CABP1: variants seen among roughly 807,000 people sequenced by gnomAD.
The protein encoded by CABP1 is calcium binding protein 1, also known as calcium-binding protein 1.
CABP1 carries 17 observed loss-of-function variants against 34.3 expected under a neutral mutation model. That is an observed-to-expected ratio of 0.50 (90% CI 0.34 to 0.74). The LOEUF (loss-of-function observed/expected upper bound fraction) is 0.74, where lower values mean the gene tolerates loss of function less well. Ranked by LOEUF, CABP1 falls within the 30% of genes least tolerant of loss-of-function variation. The probability of loss-of-function intolerance (pLI) is 0.01; values close to 1 mark genes in which losing one functional copy is unlikely to be tolerated. For missense variants in CABP1, 373 were observed against 511.1 expected (o/e 0.73, Z 2.61); for synonymous variants, 198 against 229.2 (o/e 0.86, Z 1.23).
At position 120,661,288 on chromosome 12, in the gene CABP1, A is replaced by G. The variant is rs1320479430; in HGVS notation, c.1087+70A>G. ...CATCCATGGAGCCCTCCAATTGTGTATCCATCATGCAACCATCAATCCGCC... is the reference window on the plus strand; with the variant it reads ...CATCCATGGAGCCCTCCAATTGTGTGTCCATCATGCAACCATCAATCCGCC... On this transcript the variant is annotated intron_variant, in intron 5 of 5. Coordinates refer to ENST00000316803, the MANE Select transcript of CABP1 (RefSeq NM_001033677.2). This position sits in a 1 kb window ranked among gnomAD's most constrained non-coding sequence, Gnocchi z 5.1. 13 of 1,538,732 alleles carry G rather than the reference A, an allele frequency of 8.4e-6. No homozygotes were observed. The East Asian group carries it at 9.0e-5, about 11-fold the overall frequency.
intron 1 of CABP1, among the ~76,000 whole-genome samples, chr12:120,646,988 G>A (rs537764407): frequency 5.3e-5 from 8 of 152,180 alleles, no homozygotes; most frequent in Non-Finnish European, 7.3e-5. Flanking sequence ...AGCAGGATGG[G>A]ATTTCTTCAA....
chr12:120,670,522 T>C (rs766023298), downstream of CABP1, among the ~76,000 whole-genome samples: 30 of 151,796 alleles, frequency 2.0e-4, no homozygotes, highest in Non-Finnish European at 3.8e-4. Context: ...CCGAGATGGG[T>C]GGATCGCTTG....
At chr12:120,668,352 G>T (rs140078471), downstream of CABP1, among the ~76,000 whole-genome samples, 1 of 152,190 alleles carries the variant, frequency 6.6e-6, no homozygotes, top group Non-Finnish European at 1.5e-5. Flanking sequence ...TTAGCCGGGC[G>T]TGGTGGCATG....
At chr12:120,647,305 C>T (rs1032091310) in intron 1 of CABP1, among the ~76,000 whole-genome samples, 1 of 152,126 alleles carries the variant, frequency 6.6e-6, no homozygotes, top group African/African-American at 2.4e-5. Flanking sequence ...ATTAGAATCC[C>T]TATTTTATAA....
chr12:120,663,464 C>T (rs753600079), intron 5 of CABP1, among the ~76,000 whole-genome samples: 12 of 150,988 alleles, frequency 7.9e-5, no homozygotes, highest in Non-Finnish European at 1.8e-4. Context: ...TTAGTAGAGA[C>T]AGGGTTTCAC....
Position 120,660,250 on chromosome 12 carries a change from G to T in CABP1, c.740G>T (p.Cys247Phe). The change falls in exon 3 of 6, where the codon TGC becomes TTC. Residue 247 changes from cysteine (C) to phenylalanine (F), a missense_variant. Physicochemically the swap from Cys to Phe is radical, Grantham distance 205. This residue lies in a region of CABP1 where 109 missense variants were observed against 204.8 expected (regional missense o/e 0.53). Transcript: ENST00000316803. This position sits in a 1 kb window ranked among gnomAD's most constrained non-coding sequence, Gnocchi z 5.0. ...FDKDKDGYINCRDLGNCMRTM... is the reference protein window; with the variant it reads ...FDKDKDGYINFRDLGNCMRTM... ...AAGGACAAGGATGGCTACATCAACTGCCGGGATCTGGGCAACTGCATGCGC... is the reference window on the plus strand; with the variant it reads ...AAGGACAAGGATGGCTACATCAACTTCCGGGATCTGGGCAACTGCATGCGC... 6.2e-7 allele frequency: 1 copy of T among 1,614,118 alleles called. No homozygotes were observed. The highest frequency in any genetic ancestry group is 2.2e-5 in the East Asian group (1 of 44,880).
Position 120,660,584 on chromosome 12 carries a change from A to T in CABP1, c.830-147A>T. On this transcript the variant is annotated intron_variant, in intron 3 of 5. Transcript: ENST00000316803. The surrounding 1 kb of genome is among the most constrained non-coding windows in gnomAD (Gnocchi z 5.0). Reference sequence around the variant, plus strand: ...ACAGCCCAATAACTGGCTCACAGGAAGAACTGAACAGAGGGCTCTTGTTAT... The same window carrying T: ...ACAGCCCAATAACTGGCTCACAGGATGAACTGAACAGAGGGCTCTTGTTAT... The T allele has an allele frequency of 1.4e-6, 1 of 733,416 alleles. No individual in the cohort carries two copies. The highest frequency in any genetic ancestry group is 2.4e-6 in the Non-Finnish European group (1 of 416,836). 45.4% of individuals were successfully genotyped at this position (733,416 alleles called of 1,614,324 possible).
chr12:120,645,688 G>T (rs950589512), intron 1 of CABP1, among the ~76,000 whole-genome samples: 1 of 152,170 alleles, frequency 6.6e-6, no homozygotes, highest in Non-Finnish European at 1.5e-5. Flanking sequence ...AATTAGCTGG[G>T]TGTGGTGGTG....
Position 120,641,181 on chromosome 12 carries a change from C to A in CABP1, c.496C>A (p.Arg166Ser). ...GCCGTCGTCGCCGCTGCCGCCGGCCCGCGGGCGGGATGGGGAGGAACGGGG... is the reference window on the plus strand; with the variant it reads ...GCCGTCGTCGCCGCTGCCGCCGGCCAGCGGGCGGGATGGGGAGGAACGGGG... ...PSPSSPLPPA[R>S]GRDGEERGLS... is the part of the protein sequence containing the mutation. The change falls in exon 1 of 6, where the codon CGC becomes AGC. Residue 166 changes from arginine to serine, a missense_variant. This residue lies in a region of CABP1 where 121 missense variants were observed against 125.5 expected (regional missense o/e 0.96). Coordinates refer to ENST00000316803, the MANE Select transcript of CABP1 (RefSeq NM_001033677.2). The surrounding 1 kb of genome is among the most constrained non-coding windows in gnomAD (Gnocchi z 6.7). 8.1e-7 allele frequency: 1 copy of A among 1,241,438 alleles called. No individual in the cohort carries two copies. The highest frequency in any genetic ancestry group is 1.0e-6 in the Non-Finnish European group (1 of 995,330). 76.9% of individuals were successfully genotyped at this position (1,241,438 alleles called of 1,614,324 possible).
At chr12:120,646,151 G>T (rs1879528551) in intron 1 of CABP1, among the ~76,000 whole-genome samples, 1 of 152,196 alleles carries the variant, frequency 6.6e-6, no homozygotes, top group East Asian at 1.9e-4. Flanking sequence ...TGCTGCTTTG[G>T]TGGGAGGTCA....
intron 5 of CABP1, among the ~76,000 whole-genome samples, chr12:120,665,093 T>C (rs191975512): frequency 1.6e-4 from 24 of 151,176 alleles, no homozygotes; most frequent in Non-Finnish European, 1.3e-4. Flanking sequence ...GAGGGATGAA[T>C]AGGCAGAGAA....
chr12:120,664,600 G>A (rs867009869), intron 5 of CABP1, among the ~76,000 whole-genome samples: 7 of 152,172 alleles, frequency 4.6e-5, no homozygotes, highest in East Asian at 1.9e-4. Flanking sequence ...TAGGCCAGGC[G>A]CTGTGGCTCA....
intron 1 of CABP1, among the ~76,000 whole-genome samples, chr12:120,649,745 C>T (rs1173836024): frequency 6.6e-6 from 1 of 152,142 alleles, no homozygotes; most frequent in Admixed American, 6.6e-5. Context: ...AAATTGCACA[C>T]AGAGCAGAAG....
intron 1 of CABP1, among the ~76,000 whole-genome samples, chr12:120,656,456 GATA>G (rs386377937): frequency 1.3e-5 from 2 of 151,896 alleles, no homozygotes; most frequent in Non-Finnish European, 2.9e-5. Context: ...TAATGATGAT[GATA>G]ATAATAATAA....
At chr12:120,663,628 C>A (rs1041688856) in intron 5 of CABP1, among the ~76,000 whole-genome samples, 1 of 152,232 alleles carries the variant, frequency 6.6e-6, no homozygotes, top group African/African-American at 2.4e-5. Flanking sequence ...TTATAATTTA[C>A]TGTACACTTA....
At position 120,661,440 on chromosome 12, in the gene CABP1, C is replaced by G; in HGVS notation, c.1087+222C>G. ...GTCCATCCATCTATCCATCCTCTAC[C>G]TTTCCATTCATCTGTCCATTTATCC... On this transcript the variant is annotated intron_variant, in intron 5 of 5. Coordinates refer to ENST00000316803, the MANE Select transcript of CABP1 (RefSeq NM_001033677.2). This position sits in a 1 kb window ranked among gnomAD's most constrained non-coding sequence, Gnocchi z 5.1. 1.9e-6 allele frequency: 1 copy of G among 527,480 alleles called. No homozygotes were observed. Among genetic ancestry groups the G allele is most frequent in the East Asian group, 3.3e-5 (1 of 30,412 alleles). 32.7% of individuals were successfully genotyped at this position (527,480 alleles called of 1,614,324 possible). A position where few individuals can be genotyped will look rare whatever the true frequency, so the allele number is the denominator to read the frequency against.
rs1257386124 is a variant in CABP1, at chr12:120,666,969, C to T, written c.*69C>T. 9.1e-6 allele frequency: 14 copies of T among 1,541,356 alleles called. No homozygotes were observed. In the Admixed American group the frequency reaches 1.7e-4, roughly 19 times the overall value. On this transcript the variant is annotated 3_prime_UTR_variant, in exon 6 of 6. Transcript: ENST00000316803. ...GGCTAAGAGGAGCTAGAGCTTGCCT[C>T]ACCCGCTGTAGCCGCCGAGAGCCCA... is the stretch of plus-strand genomic sequence containing the variant.
intron 5 of CABP1, among the ~76,000 whole-genome samples, chr12:120,666,442 C>T (rs1052942689): frequency 2.0e-5 from 3 of 146,580 alleles, no homozygotes; most frequent in Non-Finnish European, 4.5e-5. Context: ...TCACCGCACT[C>T]CAGCCTGGGT....
intron 1 of CABP1, among the ~76,000 whole-genome samples, chr12:120,653,254 A>G (rs1879961061): frequency 6.6e-6 from 1 of 152,072 alleles, no homozygotes; most frequent in Non-Finnish European, 1.5e-5. Flanking sequence ...CATTGCCATC[A>G]CTATGGCAAC....
Sources: gnomAD v4.1 joint callset for allele counts (sites outside exome capture counted in the v4.1 genomes callset) on GRCh38, gnomAD v4.1.1 for gene constraint, gnomAD v4.1.1 regional missense constraint, Gnocchi (gnomAD v3.1) non-coding constraint, MANE v1.5 for transcripts, NCBI Gene and HGNC (gene_info 2026-07-23, HGNC 2026-07-21) for gene names.